The following GPC5 variants were observed in gnomAD, a reference collection of about 807,000 sequenced individuals.
GPC5 encodes the protein glypican-5.
In GPC5, 47 loss-of-function variants were observed where a neutral mutation model predicts 53.9. The observed-to-expected ratio is 0.87, with a 90% CI of 0.69 to 1.11. The LOEUF is 1.11. GPC5 is among the 50% of genes most tolerant of loss of function. The probability of loss-of-function intolerance (pLI) is 0.00; values close to 1 mark genes in which losing one functional copy is unlikely to be tolerated. For missense variants in GPC5, 748 were observed against 713.1 expected, an observed-to-expected ratio of 1.05 and a Z score of -0.56; for synonymous variants, 286 against 263.3, an observed-to-expected ratio of 1.09 and a Z score of -0.84.
At chr13:91,994,196 A>C (rs1294712404) in intron 6 of GPC5, among the ~76,000 whole-genome samples, 1 of 152,222 alleles carries the variant, frequency 6.6e-6, no homozygotes, top group African/African-American at 2.4e-5. Flanking sequence ...GTGAATATGC[A>C]TGTATACCGT....
At chr13:91,494,209 A>G (rs935331935) in intron 2 of GPC5, among the ~76,000 whole-genome samples, 6 of 151,780 alleles carry the variant, frequency 4.0e-5, no homozygotes, top group Non-Finnish European at 5.9e-5. Flanking sequence ...TTCTGTTGTT[A>G]TGAATGACCT....
At chr13:92,267,865 T>C (rs1190773237) in intron 7 of GPC5, among the ~76,000 whole-genome samples, 1 of 152,050 alleles carries the variant, frequency 6.6e-6, no homozygotes, top group Non-Finnish European at 1.5e-5. Flanking sequence ...TCCCAACCCC[T>C]AGAATAGAAT....
chr13:91,532,305 G>A (rs1047939972), intron 2 of GPC5, among the ~76,000 whole-genome samples: 18 of 152,136 alleles, frequency 1.2e-4, no homozygotes, highest in East Asian at 3.9e-4. Flanking sequence ...TCAGTCAGCC[G>A]AATGATTCTA....
chr13:92,294,273 A>G (rs9516057), intron 7 of GPC5, among the ~76,000 whole-genome samples: 13,023 of 152,150 alleles, frequency 0.086, 617 homozygotes, highest in Middle Eastern at 0.12. Flanking sequence ...AGTGGTACCA[A>G]TTCTTCTTTG....
At chr13:92,766,336 A>G (rs529171616) in intron 7 of GPC5, among the ~76,000 whole-genome samples, 24 of 152,144 alleles carry the variant, frequency 1.6e-4, no homozygotes, top group Non-Finnish European at 3.1e-4. Flanking sequence ...TAAAAACCAA[A>G]CAAAAAGTAA....
intron 7 of GPC5, among the ~76,000 whole-genome samples, chr13:92,429,316 C>T (rs1010387303): frequency 2.6e-5 from 4 of 151,832 alleles, no homozygotes; most frequent in African/African-American, 9.7e-5. Context: ...GCAAGATAGT[C>T]GCCACATTTC....
At chr13:91,779,239 T>C (rs1315270986) in intron 5 of GPC5, among the ~76,000 whole-genome samples, 1 of 152,368 alleles carries the variant, frequency 6.6e-6, no homozygotes, top group Middle Eastern at 3.4e-3. Context: ...TATACACTTT[T>C]ACATTTTTTA....
Position 91,998,941 on chromosome 13 carries a change from T to C in GPC5, c.1401+90884T>C, listed in dbSNP as rs531269442. Among the ~76,000 whole-genome samples, 14 of 152,300 alleles carry C rather than the reference T, an allele frequency of 9.2e-5. No individual in the cohort carries two copies. The South Asian group carries it at 2.7e-3, about 29-fold the overall frequency. On this transcript the variant is annotated intron_variant, in intron 6 of 7. Transcript: ENST00000377067. Reference sequence around the variant, plus strand: ...CTAATAGCACTGAATAGTTCAAAGATAGATAAACAGAACTTCCCTGAGTCT... The same window carrying C: ...CTAATAGCACTGAATAGTTCAAAGACAGATAAACAGAACTTCCCTGAGTCT...
intron 5 of GPC5, among the ~76,000 whole-genome samples, chr13:91,811,158 A>G (rs2038305880): frequency 6.6e-6 from 1 of 152,048 alleles, no homozygotes; most frequent in African/African-American, 2.4e-5. Context: ...TGAATCTAGA[A>G]TTAAAACTTG....
chr13:91,590,277 G>A (rs560273963), intron 2 of GPC5, among the ~76,000 whole-genome samples: 1 of 151,822 alleles, frequency 6.6e-6, no homozygotes, highest in South Asian at 2.1e-4. Flanking sequence ...ATTTGATTAA[G>A]CTTGCCATTT....
At chr13:92,061,410 G>T (rs1232388044) in intron 6 of GPC5, among the ~76,000 whole-genome samples, 1 of 151,986 alleles carries the variant, frequency 6.6e-6, no homozygotes, top group East Asian at 1.9e-4. Context: ...GTTTTAGACA[G>T]CTTTATTTGC....
At chr13:92,791,380 A>G (rs1300212674) in intron 7 of GPC5, among the ~76,000 whole-genome samples, 4 of 142,262 alleles carry the variant, frequency 2.8e-5, no homozygotes, top group African/African-American at 1.1e-4. Flanking sequence ...GTACACATTC[A>G]TTATACGTGT....
chr13:91,635,040 C>A (rs1015345362), intron 2 of GPC5, among the ~76,000 whole-genome samples: 2 of 152,044 alleles, frequency 1.3e-5, no homozygotes, highest in Non-Finnish European at 2.9e-5. Context: ...CAGAATTTTG[C>A]AGTAGAGTAA....
At chr13:91,828,204 A>G (rs2038603613) in intron 5 of GPC5, among the ~76,000 whole-genome samples, 1 of 152,086 alleles carries the variant, frequency 6.6e-6, no homozygotes, top group Admixed American at 6.6e-5. Flanking sequence ...TTATCTTTAT[A>G]GATTATGGGA....
At chr13:91,528,893 C>T (rs533782918) in intron 2 of GPC5, among the ~76,000 whole-genome samples, 1 of 152,286 alleles carries the variant, frequency 6.6e-6, no homozygotes, top group East Asian at 1.9e-4. Context: ...TGCGTGAGAA[C>T]CCCCTTACTA....
At chr13:91,917,517 C>T (rs1263698752) in intron 6 of GPC5, among the ~76,000 whole-genome samples, 7 of 152,350 alleles carry the variant, frequency 4.6e-5, no homozygotes, top group South Asian at 2.1e-4. Flanking sequence ...CTTCTCACAG[C>T]TCCACTAGTC....
At position 91,960,956 on chromosome 13, in the gene GPC5, A is replaced by C. The variant is rs148568731; in HGVS notation, c.1401+52899A>C. 3.5e-3 allele frequency among the ~76,000 whole-genome samples: 535 copies of C among 152,090 alleles called. 4 individuals are homozygous for C. The highest frequency in any genetic ancestry group is 0.012 in the African/African-American group (517 of 41,564). On this transcript the variant is annotated intron_variant, in intron 6 of 7. Transcript: ENST00000377067. ...AAACTTCTAGAAGAAAACATAAGGGAAACACTCCAGGATATGAGTCTAGGC... is the reference window on the plus strand; with the variant it reads ...AAACTTCTAGAAGAAAACATAAGGGCAACACTCCAGGATATGAGTCTAGGC...
At chr13:91,908,982 T>C (rs2138999431) in intron 6 of GPC5, among the ~76,000 whole-genome samples, 1 of 152,196 alleles carries the variant, frequency 6.6e-6, no homozygotes. Flanking sequence ...AAGCTTAAGT[T>C]TATGCAGAGC....
At chr13:92,062,377 T>G (rs1296605810) in intron 6 of GPC5, among the ~76,000 whole-genome samples, 2 of 152,034 alleles carry the variant, frequency 1.3e-5, no homozygotes, top group Non-Finnish European at 2.9e-5. Context: ...TTTGGTTACT[T>G]AAAGCTAACA....
Sources: allele counts gnomAD v4.1 joint callset (sites outside exome capture counted in the v4.1 genomes callset), GRCh38; gene constraint gnomAD v4.1.1; transcripts MANE v1.5; gene names NCBI Gene and HGNC (gene_info 2026-07-23, HGNC 2026-07-21).